SMPX: variants seen among roughly 807,000 people sequenced by gnomAD.
The protein encoded by SMPX is small muscle protein X-linked, also known as small muscular protein.
A neutral mutation model predicts 6.3 loss-of-function variants in SMPX; 2 were observed. The observed-to-expected ratio is 0.32, with a 90% confidence interval of 0.13 to 0.99. The LOEUF (loss-of-function observed/expected upper bound fraction) is 0.99, where lower values mean the gene tolerates loss of function less well. Ranked by LOEUF, SMPX falls within the 50% of genes least tolerant of loss-of-function variation. The pLI is 0.49. For synonymous variants in SMPX, 32 were observed against 24.7 expected (o/e 1.30, Z -0.88); for missense variants, 60 against 66.8 (o/e 0.90, Z 0.36).
At chrX:21,744,143 G>A (rs1055161067) in intron 2 of SMPX, among the ~76,000 whole-genome samples, 25 of 111,665 alleles carry the variant, frequency 2.2e-4, no homozygotes, top group African/African-American at 7.5e-4. Flanking sequence ...CCCTCCTGAG[G>A]TGCATATTAT....
At chrX:21,711,893 G>T (rs766976216) in intron 4 of SMPX, among the ~76,000 whole-genome samples, 1 of 112,366 alleles carries the variant, frequency 8.9e-6, no homozygotes, top group Non-Finnish European at 1.9e-5. Flanking sequence ...ACTGGTTAAA[G>T]CTCTGGAGTT....
intron 4 of SMPX, among the ~76,000 whole-genome samples, chrX:21,731,632 A>G (rs980044744): frequency 9.2e-5 from 9 of 98,162 alleles, no homozygotes; most frequent in South Asian, 9.5e-4. Context: ...ACATTTGTGT[A>G]TATGTGTACA....
chrX:21,717,198 A>C (rs1208357124), intron 4 of SMPX, among the ~76,000 whole-genome samples: 1 of 112,082 alleles, frequency 8.9e-6, no homozygotes, highest in African/African-American at 3.2e-5. Context: ...GAGGTAATTT[A>C]ATCATGGGAA....
chrX:21,716,755 A>G (rs1241959616), intron 4 of SMPX, among the ~76,000 whole-genome samples: 1 of 111,282 alleles, frequency 9.0e-6, no homozygotes, highest in South Asian at 3.8e-4. Flanking sequence ...AAAAAAGTGA[A>G]CTGAGTCTAA....
chrX:21,752,793 A>G (rs541527223), intron 2 of SMPX, among the ~76,000 whole-genome samples: 1 of 111,842 alleles, frequency 8.9e-6, no homozygotes, highest in South Asian at 3.8e-4. Context: ...CTGGGATTAC[A>G]GGCATGAACC....
At chrX:21,723,621 T>C (rs1490561840) in intron 4 of SMPX, among the ~76,000 whole-genome samples, 1 of 112,167 alleles carries the variant, frequency 8.9e-6, no homozygotes, top group Non-Finnish European at 1.9e-5. Context: ...AACTCCTACA[T>C]GTTCAGTGAG....
intron 2 of SMPX, among the ~76,000 whole-genome samples, chrX:21,748,019 G>A (rs1338446688): frequency 2.7e-5 from 3 of 111,912 alleles, no homozygotes; most frequent in South Asian, 3.7e-4. Context: ...AGCAAGATAT[G>A]ACATTTTGAG....
intron 3 of SMPX, among the ~76,000 whole-genome samples, chrX:21,741,138 A>C (rs946734217): frequency 2.7e-5 from 3 of 112,101 alleles, no homozygotes; most frequent in African/African-American, 9.7e-5. Flanking sequence ...CAGTGCTCAC[A>C]GGCCTTGGCA....
chrX:21,746,375 C>T (rs750914122), intron 2 of SMPX, among the ~76,000 whole-genome samples: 14 of 111,593 alleles, frequency 1.3e-4, no homozygotes, highest in African/African-American at 4.6e-4. Context: ...TGCCTGACTT[C>T]AGGGACAGAC....
At chrX:21,724,877 G>C (rs1337617534) in intron 4 of SMPX, among the ~76,000 whole-genome samples, 3 of 112,190 alleles carry the variant, frequency 2.7e-5, no homozygotes, top group Non-Finnish European at 5.6e-5. Context: ...AGAGAGAATG[G>C]ACATGGAAGG....
At chrX:21,718,562 T>G (rs1394582842) in intron 4 of SMPX, among the ~76,000 whole-genome samples, 1 of 112,413 alleles carries the variant, frequency 8.9e-6, no homozygotes, top group African/African-American at 3.2e-5. Flanking sequence ...TACTGAGCTC[T>G]CTTCTGGCAA....
chrX:21,731,534 AT>A (rs2147383005), intron 4 of SMPX, among the ~76,000 whole-genome samples: 9 of 84,315 alleles, frequency 1.1e-4, no homozygotes, highest in African/African-American at 2.4e-4. Flanking sequence ...ACACATACAC[AT>A]TATGTGTGTA....
chrX:21,716,657 C>A (rs2092785472), intron 4 of SMPX, among the ~76,000 whole-genome samples: 1 of 112,032 alleles, frequency 8.9e-6, no homozygotes, highest in African/African-American at 3.2e-5. Context: ...TTCTATCTTC[C>A]AAACAAGATT....
At chrX:21,716,916 ATC>A (rs1205561300) in intron 4 of SMPX, among the ~76,000 whole-genome samples, 3 of 112,117 alleles carry the variant, frequency 2.7e-5, no homozygotes, top group African/African-American at 6.5e-5. Flanking sequence ...TACAATGTAA[ATC>A]TTTTTTTCTT....
intron 1 of SMPX, among the ~76,000 whole-genome samples, chrX:21,755,735 T>A (rs1305754587): frequency 1.8e-5 from 2 of 112,339 alleles, no homozygotes; most frequent in Non-Finnish European, 3.8e-5. Context: ...ACCTCTATAC[T>A]CAGGGTATCC....
At chrX:21,750,228 A>G (rs1352384258) in intron 2 of SMPX, among the ~76,000 whole-genome samples, 3 of 111,524 alleles carry the variant, frequency 2.7e-5, no homozygotes, top group Non-Finnish European at 3.8e-5. Context: ...AAATTCTTTC[A>G]TTTGAGGGAG....
intron 4 of SMPX, among the ~76,000 whole-genome samples, chrX:21,715,301 T>TGCGC (rs1372224561): frequency 5.7e-5 from 5 of 87,610 alleles, no homozygotes; most frequent in South Asian, 8.7e-4. Flanking sequence ...TGTGTGTGTG[T>TGCGC]GTGCGCGCAC....
At chrX:21,750,735 T>A (rs1260910820) in intron 2 of SMPX, among the ~76,000 whole-genome samples, 1 of 112,029 alleles carries the variant, frequency 8.9e-6, no homozygotes, top group East Asian at 2.8e-4. Context: ...AGTGTGGATG[T>A]GAAAGACTAC....
intron 4 of SMPX, among the ~76,000 whole-genome samples, chrX:21,730,719 G>A (rs1017322650): frequency 2.7e-5 from 3 of 112,029 alleles, no homozygotes; most frequent in Admixed American, 1.9e-4. Context: ...AGACTAGAAG[G>A]GGAAATACCA....
Sources: gnomAD v4.1 joint callset for allele counts (sites outside exome capture counted in the v4.1 genomes callset) on GRCh38, gnomAD v4.1.1 for gene constraint, MANE v1.5 for transcripts, NCBI Gene and HGNC (gene_info 2026-07-23, HGNC 2026-07-21) for gene names.